LYRM4: variants seen among roughly 807,000 people sequenced by gnomAD.
The protein encoded by LYRM4 is LYR motif containing 4, also known as LYR motif-containing protein 4.
A neutral mutation model predicts 11.7 loss-of-function variants in LYRM4; 9 were observed. The ratio of observed to expected loss-of-function variants is 0.77; its 90% confidence interval spans 0.46 to 1.34. LYRM4 has a LOEUF of 1.34. LYRM4 is among the 40% of genes most tolerant of loss of function. LYRM4 has a pLI of 0.00. For missense variants in LYRM4, 133 were observed against 112.5 expected, an observed-to-expected ratio of 1.18 and a Z score of -0.82; for synonymous variants, 42 against 40.4, an observed-to-expected ratio of 1.04 and a Z score of -0.15.
the LYRM4 span, chr6:5,066,422 G>T: frequency 2.7e-6 from 2 of 747,372 alleles, no homozygotes; most frequent in South Asian, 2.8e-5. Context: ...CTTTTAAAGG[G>T]CTGCCTGCTG....
chr6:5,036,165 A>G, the LYRM4 span, among the ~76,000 whole-genome samples: 2 of 152,144 alleles, frequency 1.3e-5, no homozygotes, highest in South Asian at 4.1e-4. Context: ...AGCTATATCT[A>G]TAATAAAATT....
At chr6:5,074,397 CTTTT>C in the LYRM4 span, among the ~76,000 whole-genome samples, 440 of 76,742 alleles carry the variant, frequency 5.7e-3, 1 homozygote, top group Middle Eastern at 0.02. Flanking sequence ...AGCACAGGTA[CTTTT>C]TTTTTTTTTT....
chr6:5,174,088 T>C (rs1003551027), intron 2 of LYRM4, among the ~76,000 whole-genome samples: 6 of 152,238 alleles, frequency 3.9e-5, no homozygotes, highest in African/African-American at 1.4e-4. Flanking sequence ...AGCTGCCTCC[T>C]CTTCGCTCTC....
intron 2 of LYRM4, among the ~76,000 whole-genome samples, chr6:5,141,513 C>A (rs557478575): frequency 6.6e-6 from 1 of 152,148 alleles, no homozygotes; most frequent in African/African-American, 2.4e-5. Context: ...TCCACCGTAG[C>A]GGAACAGTAC....
At chr6:5,149,042 T>A (rs1296291847) in intron 2 of LYRM4, among the ~76,000 whole-genome samples, 1 of 152,216 alleles carries the variant, frequency 6.6e-6, no homozygotes, top group Non-Finnish European at 1.5e-5. Flanking sequence ...TTTTTAGGAT[T>A]GGAAAATGAC....
At chr6:5,082,046 G>A in the LYRM4 span, among the ~76,000 whole-genome samples, 24 of 152,352 alleles carry the variant, frequency 1.6e-4, no homozygotes, top group Admixed American at 9.1e-4. Context: ...CCCTTTGCCA[G>A]TTCCTGAGTT....
At position 5,121,717 on chromosome 6, in the gene LYRM4, G is replaced by A. The variant is rs888081983; in HGVS notation, c.208-12226C>T. On this transcript the variant is annotated intron_variant, in intron 2 of 2. Coordinates refer to ENST00000330636, the MANE Select transcript of LYRM4 (RefSeq NM_020408.6). The stretch of plus-strand genomic sequence containing the variant: ...ACAACAGAGCCCAGGCAAACTGCCA[G>A]AGGTAATGTCCCATCAGAGGTCACA... Among the ~76,000 whole-genome samples, 6 of 152,240 alleles carry A rather than the reference G, an allele frequency of 3.9e-5. No homozygotes were observed. In the East Asian group the frequency reaches 1.2e-3, roughly 29 times the overall value.
intron 2 of LYRM4, among the ~76,000 whole-genome samples, chr6:5,163,498 C>CTT (rs58536562): frequency 1.8e-4 from 25 of 139,288 alleles, no homozygotes; most frequent in African/African-American, 6.5e-4. Flanking sequence ...AGCATTCCAA[C>CTT]TTTTTTTTTT....
At chr6:5,086,492 G>A in the LYRM4 span, 12 of 1,537,352 alleles carry the variant, frequency 7.8e-6, no homozygotes, top group African/African-American at 6.8e-5. Context: ...TGCGCGCAGG[G>A]CGAGTACTGG....
the LYRM4 span, among the ~76,000 whole-genome samples, chr6:5,084,299 C>T: frequency 6.6e-6 from 1 of 152,240 alleles, no homozygotes; most frequent in Non-Finnish European, 1.5e-5. Context: ...GCTTCCCCAC[C>T]CCTCCCCGGC....
the LYRM4 span, among the ~76,000 whole-genome samples, chr6:5,046,994 G>T: frequency 6.6e-6 from 1 of 152,080 alleles, no homozygotes; most frequent in Non-Finnish European, 1.5e-5. Context: ...GGGAGGCTGC[G>T]GTGGGAGAAT....
intron 1 of LYRM4, among the ~76,000 whole-genome samples, chr6:5,251,949 A>G (rs2753235): frequency 0.29 from 43,611 of 152,160 alleles, 7,889 homozygotes; most frequent in African/African-American, 0.51. Flanking sequence ...AAGAGTTCCA[A>G]TGGCTCAAAA....
intron 2 of LYRM4, among the ~76,000 whole-genome samples, chr6:5,158,363 C>G (rs420392): frequency 0.08 from 12,161 of 152,028 alleles, 866 homozygotes; most frequent in African/African-American, 0.18. Flanking sequence ...TCACAAACCA[C>G]GATTAATGAT....
At chr6:5,201,822 A>T (rs1047916158) in intron 2 of LYRM4, among the ~76,000 whole-genome samples, 1 of 152,212 alleles carries the variant, frequency 6.6e-6, no homozygotes, top group Non-Finnish European at 1.5e-5. Flanking sequence ...ATTAAAATGC[A>T]ATTAAAGGAT....
chr6:5,168,059 G>A (rs529600027), intron 2 of LYRM4, among the ~76,000 whole-genome samples: 1 of 151,584 alleles, frequency 6.6e-6, no homozygotes, highest in African/African-American at 2.4e-5. Context: ...GGATGGTCAT[G>A]GATTGTAATG....
chr6:5,040,352 GATACATAC>G, the LYRM4 span, among the ~76,000 whole-genome samples: 1,195 of 130,092 alleles, frequency 9.2e-3, 4 homozygotes, highest in African/African-American at 0.015. Context: ...TAGATAGATA[GATACATAC>G]ATACATACAT....
At chr6:5,038,326 A>G in the LYRM4 span, among the ~76,000 whole-genome samples, 1 of 48,238 alleles carries the variant, frequency 2.1e-5, no homozygotes, top group Non-Finnish European at 4.6e-5. Context: ...CCTAGATGGG[A>G]TGGCGGCGGG....
At position 5,167,412 on chromosome 6, in the gene LYRM4, T is replaced by C. The variant is rs546917372; in HGVS notation, c.207+49206A>G. On this transcript the variant is annotated intron_variant, in intron 2 of 2. Transcript: ENST00000330636. ...TCCACACTCTTCACTGCCTTCCCTC[T>C]TCGCCTATTAATTCCTGTAACACTA... Among the ~76,000 whole-genome samples the C allele has an allele frequency of 1.5e-4, 23 of 152,350 alleles. No homozygotes were observed. In the South Asian group the frequency reaches 4.3e-3, roughly 29 times the overall value.
chr6:5,066,820 G>T, the LYRM4 span: 1 of 773,192 alleles, frequency 1.3e-6, no homozygotes, highest in Non-Finnish European at 2.2e-6. Flanking sequence ...CTGAAATCCG[G>T]ATCCGGCCAC....
Sources: gnomAD v4.1 joint callset for allele counts (sites outside exome capture counted in the v4.1 genomes callset) on GRCh38, gnomAD v4.1.1 for gene constraint, MANE v1.5 for transcripts, NCBI Gene and HGNC (gene_info 2026-07-23, HGNC 2026-07-21) for gene names.